The following LURAP1L variants were observed in gnomAD, a reference collection of about 807,000 sequenced individuals.
LURAP1L encodes leucine rich adaptor protein 1-like.
In LURAP1L, 12 loss-of-function variants were observed where a neutral mutation model predicts 13.8. The ratio of observed to expected loss-of-function variants is 0.87; its 90% CI spans 0.56 to 1.41. The LOEUF (loss-of-function observed/expected upper bound fraction) is 1.41. Among genes scored for constraint, LURAP1L ranks in the 40% most tolerant of loss-of-function variants. The pLI, the probability that LURAP1L is intolerant of heterozygous loss-of-function variation, is 0.00. For synonymous variants in LURAP1L, 139 were observed against 119.2 expected (o/e 1.17, Z -1.08); for missense variants, 375 against 292.9 (o/e 1.28, Z -2.04).
chr9:12,819,297 TTA>T (rs965375945), intron 1 of LURAP1L, among the ~76,000 whole-genome samples: 24 of 152,304 alleles, frequency 1.6e-4, no homozygotes, highest in Admixed American at 6.5e-4. Context: ...AAATTGTACT[TTA>T]TGTTTTTTGT....
chr9:12,813,120 C>T (rs1197657153), intron 1 of LURAP1L, among the ~76,000 whole-genome samples: 1 of 152,112 alleles, frequency 6.6e-6, no homozygotes, highest in African/African-American at 2.4e-5. Context: ...TAAGTAAAGC[C>T]TTCATTCCGT....
At chr9:12,819,083 A>T (rs922326590) in intron 1 of LURAP1L, among the ~76,000 whole-genome samples, 4 of 152,252 alleles carry the variant, frequency 2.6e-5, no homozygotes, top group Middle Eastern at 3.4e-3. Context: ...TCCTTCCTCA[A>T]CATAAAGTCA....
At chr9:12,805,559 G>T (rs1434212023) in intron 1 of LURAP1L, among the ~76,000 whole-genome samples, 1 of 152,006 alleles carries the variant, frequency 6.6e-6, no homozygotes, top group Non-Finnish European at 1.5e-5. Context: ...TTTCTTTATG[G>T]ATTTAAGCAG....
rs192254125 is a variant in LURAP1L at position 12,804,131 on chromosome 9, T to C, written c.313-17255T>C. ...TTTTCCTGTGCAATAGGGTGGCTTT[T>C]ATTCTCATTAATCAATGACAAGAAG... is the stretch of plus-strand genomic sequence containing the variant. On this transcript the variant is annotated intron_variant, in intron 1 of 1. Coordinates refer to ENST00000319264, the MANE Select transcript of LURAP1L (RefSeq NM_203403.2). Among the ~76,000 whole-genome samples, 443 of 152,312 alleles carry C rather than the reference T, an allele frequency of 2.9e-3. 2 individuals are homozygous for C. Among genetic ancestry groups the C allele is most frequent in the South Asian group, 0.018 (89 of 4,828 alleles).
intron 1 of LURAP1L, among the ~76,000 whole-genome samples, chr9:12,811,971 G>A (rs1022437278): frequency 3.9e-5 from 6 of 152,112 alleles, no homozygotes; most frequent in African/African-American, 1.4e-4. Flanking sequence ...ACAGGTCTAT[G>A]TCCTTGCTAG....
chr9:12,778,919 CTG>C (rs1170010127), intron 1 of LURAP1L, among the ~76,000 whole-genome samples: 8 of 152,184 alleles, frequency 5.3e-5, no homozygotes, highest in African/African-American at 1.7e-4. Context: ...ATGCTTGAAA[CTG>C]TGGATAGTAC....
chr9:12,777,552 C>G, intron 1 of LURAP1L: 1 of 973,182 alleles, frequency 1.0e-6, no homozygotes, highest in Non-Finnish European at 1.2e-6. Context: ...TTCACTTAAT[C>G]TAATAAATAA....
intron 1 of LURAP1L, among the ~76,000 whole-genome samples, chr9:12,796,787 A>T (rs566602584): frequency 1.6e-4 from 25 of 152,152 alleles, no homozygotes; most frequent in Non-Finnish European, 1.8e-4. Context: ...GAGCCAAGTA[A>T]ATCTAGGCCT....
intron 1 of LURAP1L, among the ~76,000 whole-genome samples, chr9:12,815,177 T>C (rs150264516): frequency 3.9e-5 from 6 of 152,248 alleles, no homozygotes; most frequent in African/African-American, 7.2e-5. Context: ...TAAGGATGGG[T>C]AGGCAGAAAA....
intron 1 of LURAP1L, among the ~76,000 whole-genome samples, chr9:12,813,767 A>G (rs1354500290): frequency 6.6e-6 from 1 of 152,198 alleles, no homozygotes; most frequent in African/African-American, 2.4e-5. Context: ...TGAGGCTGAA[A>G]CAAATTTCAG....
Position 12,775,976 on chromosome 9 carries a change from T to A in LURAP1L, c.261T>A (p.Ser87=). The A allele has an allele frequency of 6.2e-7, 1 of 1,605,220 alleles. No homozygotes were observed. The highest frequency in any genetic ancestry group is 1.1e-5 in the South Asian group (1 of 89,348). The change falls in exon 1 of 2, where the codon TCT becomes TCA. Residue 87 remains serine (S), a synonymous_variant. Coordinates refer to ENST00000319264, the MANE Select transcript of LURAP1L (RefSeq NM_203403.2). ...PTSGSPRGSH[S]SALERLETKL... ...CTGGCTCCCCACGAGGTAGCCACTCTAGCGCCCTGGAGAGGCTAGAAACCA... is the reference window on the plus strand; with the variant it reads ...CTGGCTCCCCACGAGGTAGCCACTCAAGCGCCCTGGAGAGGCTAGAAACCA...
chr9:12,798,486 T>C (rs1819539067), intron 1 of LURAP1L, among the ~76,000 whole-genome samples: 2 of 152,342 alleles, frequency 1.3e-5, no homozygotes, highest in South Asian at 4.1e-4. Flanking sequence ...TGTTTCCTTC[T>C]TCATTCTTTT....
intron 1 of LURAP1L, among the ~76,000 whole-genome samples, chr9:12,817,944 C>A (rs547287150): frequency 6.6e-6 from 1 of 152,080 alleles, no homozygotes; most frequent in African/African-American, 2.4e-5. Context: ...GACCTGCCAG[C>A]GTGTGAACTG....
intron 1 of LURAP1L, among the ~76,000 whole-genome samples, chr9:12,785,139 T>G (rs1055392896): frequency 7.9e-5 from 12 of 152,230 alleles, no homozygotes; most frequent in Admixed American, 6.5e-4. Flanking sequence ...GCCCAGGGTG[T>G]GTCTAGAAAC....
At chr9:12,777,287 G>A (rs1819200829) in intron 1 of LURAP1L, 2 of 985,336 alleles carry the variant, frequency 2.0e-6, no homozygotes, top group South Asian at 9.4e-5. Context: ...CAAAATAGAT[G>A]AAAAGATAAA....
intron 1 of LURAP1L, among the ~76,000 whole-genome samples, chr9:12,805,432 GT>G (rs1554658848): frequency 6.6e-6 from 1 of 152,034 alleles, no homozygotes; most frequent in African/African-American, 2.4e-5. Context: ...GTGGTGAAAG[GT>G]TTTTTTCTCA....
chr9:12,798,459 G>A (rs2118506529), intron 1 of LURAP1L, among the ~76,000 whole-genome samples: 1 of 152,320 alleles, frequency 6.6e-6, no homozygotes, highest in African/African-American at 2.4e-5. Flanking sequence ...AGTCAATTAA[G>A]TCTGCATTGC....
chr9:12,821,753 T>A lies in LURAP1L; in HGVS notation c.680T>A (p.Phe227Tyr). The A allele has an allele frequency of 6.2e-7, 1 of 1,609,320 alleles. No homozygotes were observed. The highest frequency in any genetic ancestry group is 8.5e-7 in the Non-Finnish European group (1 of 1,176,164). ...RPKLDSEYYCFG is the reference protein window; with the variant it reads ...RPKLDSEYYCYG ...AAATTGGATTCTGAATACTACTGCT[T>A]TGGCTAGTGACAGTTTTTTGCATGG... The change falls in exon 2 of 2, where the codon TTT (phenylalanine) becomes TAT (tyrosine). Residue 227 changes from phenylalanine (F) to tyrosine (Y), a missense_variant. Coordinates refer to ENST00000319264, the MANE Select transcript of LURAP1L (RefSeq NM_203403.2).
rs572021640 is a variant in LURAP1L, at chr9:12,775,856, T to C, written c.141T>C (p.Gly47=). The change falls in exon 1 of 2, where the codon GGT becomes GGC. Residue 47 remains glycine (G), a synonymous_variant. Transcript: ENST00000319264. ...ERDRDPCGGS[G]GGGGGGGGCS... ...ACAGGGACCCCTGCGGGGGGAGCGG[T>C]GGTGGTGGCGGCGGCGGCGGCGGCT... 0.018 allele frequency: 17,964 copies of C among 1,007,736 alleles called. 125 individuals carry two copies. Among genetic ancestry groups the C allele is most frequent in the Non-Finnish European group, 0.022 (15,794 of 710,630 alleles). The allele number at this position is 1,007,736 out of a possible 1,614,324, so 62.4% of individuals were successfully genotyped here.
Sources: allele counts gnomAD v4.1 joint callset (sites outside exome capture counted in the v4.1 genomes callset), GRCh38; gene constraint gnomAD v4.1.1; transcripts MANE v1.5; gene names NCBI Gene and HGNC (gene_info 2026-07-23, HGNC 2026-07-21).